The following COG2 variants were observed in gnomAD, a reference collection of about 807,000 sequenced individuals.
COG2 encodes conserved oligomeric Golgi complex subunit 2.
COG2 carries 52 observed loss-of-function variants against 90.6 expected under a neutral mutation model. That is an observed-to-expected ratio of 0.57 (90% confidence interval 0.46 to 0.72). COG2 has a LOEUF of 0.72. COG2 is among the 30% of genes least tolerant of loss of function. The pLI, the probability that COG2 is intolerant of heterozygous loss-of-function variation, is 0.00. For missense variants in COG2, 829 were observed against 891.2 expected, an observed-to-expected ratio of 0.93 and a Z score of 0.89; for synonymous variants, 337 against 320.4, an observed-to-expected ratio of 1.05 and a Z score of -0.55.
intron 1 of COG2, among the ~76,000 whole-genome samples, chr1:230,656,448 A>T (rs144994487): frequency 6.6e-6 from 1 of 152,086 alleles, no homozygotes; most frequent in East Asian, 1.9e-4. Flanking sequence ...GAGTCTGTTT[A>T]TTATGATTTT....
chr1:230,674,398 T>G (rs995290168), intron 8 of COG2, among the ~76,000 whole-genome samples: 1 of 152,180 alleles, frequency 6.6e-6, no homozygotes, highest in African/African-American at 2.4e-5. Context: ...AATTTGGAAT[T>G]TAAAAGTCTG....
At chr1:230,660,942 G>C (rs953696578) in intron 3 of COG2, 119 bp downstream of exon 3, 22 of 565,112 alleles carry the variant, frequency 3.9e-5, no homozygotes, top group Non-Finnish European at 6.3e-5. Flanking sequence ...TGAATGTTTA[G>C]TAATTATAAT....
At chr1:230,666,718 A>G (rs1662330308) in intron 5 of COG2, among the ~76,000 whole-genome samples, 2 of 152,136 alleles carry the variant, frequency 1.3e-5, no homozygotes, top group Admixed American at 1.3e-4. Flanking sequence ...CCCTTCCTTT[A>G]ACTTCCACCT....
At chr1:230,657,250 A>G (rs1003665495) in intron 1 of COG2, among the ~76,000 whole-genome samples, 3 of 152,282 alleles carry the variant, frequency 2.0e-5, no homozygotes, top group Admixed American at 1.3e-4. Flanking sequence ...AGCTCTTGTA[A>G]GGCAGACTTG....
intron 16 of COG2, 191 bp downstream of exon 16, chr1:230,690,344 T>A: frequency 2.0e-6 from 1 of 490,932 alleles, no homozygotes; most frequent in Non-Finnish European, 3.5e-6. Flanking sequence ...GCCTGTGGGC[T>A]GGCTTCCTCT....
At chr1:230,644,859 G>A (rs541254896) in intron 1 of COG2, among the ~76,000 whole-genome samples, 123 of 152,254 alleles carry the variant, frequency 8.1e-4, no homozygotes, top group African/African-American at 2.8e-3. Flanking sequence ...GTGGCGGGAG[G>A]CTACTTAAAA....
At chr1:230,658,650 G>A (rs1253540934) in intron 1 of COG2, among the ~76,000 whole-genome samples, 5 of 152,242 alleles carry the variant, frequency 3.3e-5, no homozygotes, top group African/African-American at 4.8e-5. Flanking sequence ...AGCTGCACCC[G>A]CAGCCATCCC....
chr1:230,674,270 A>G (rs1662531517), intron 8 of COG2, among the ~76,000 whole-genome samples: 1 of 152,236 alleles, frequency 6.6e-6, no homozygotes, highest in Admixed American at 6.5e-5. Context: ...CATTTTAAAG[A>G]TGAAGAAACC....
At chr1:230,670,973 A>T (rs1412734278) in intron 7 of COG2, 2 of 151,780 alleles carry the variant, frequency 1.3e-5, no homozygotes, top group African/African-American at 4.8e-5. Flanking sequence ...TAGTGTGCTA[A>T]ATTAAAGAAC....
At position 230,688,099 on chromosome 1, in the gene COG2, C is replaced by A; in HGVS notation, c.1607C>A (p.Pro536Gln). The A allele has an allele frequency of 1.2e-6, 2 of 1,600,108 alleles. No homozygotes were observed. Among genetic ancestry groups the A allele is most frequent in the African/African-American group, 1.3e-5 (1 of 74,324 alleles). The change falls in exon 14 of 18, where the codon CCA (proline) becomes CAA (glutamine). Residue 536 changes from proline to glutamine, a missense_variant. By Grantham distance (76) the Pro-to-Gln change is moderately conservative. Transcript: ENST00000366669. Reference protein sequence around the residue: ...QLPELLEIIKPKLEMIGFKNF... With the variant: ...QLPELLEIIKQKLEMIGFKNF... The stretch of plus-strand genomic sequence containing the variant: ...CCAGAACTCTTGGAAATAATCAAGC[C>A]AAAACTTGAAATGATTGGCTTTAAG...
chr1:230,677,947 C>G (rs150056740), intron 9 of COG2: 19 of 897,222 alleles, frequency 2.1e-5, no homozygotes, highest in Admixed American at 6.2e-5. Flanking sequence ...TGTCTCAACT[C>G]CACACACCTA....
Position 230,690,191 on chromosome 1 carries a change from A to G in COG2, c.1934+38A>G, listed in dbSNP as rs757997836. On this transcript the variant is annotated intron_variant, in intron 16 of 17. Transcript: ENST00000366669. ...AAAGCAGACCTTGTGGGCCTTGCTT[A>G]GAAGAGTCTGCGGCAGAAACCCCCA... The G allele has an allele frequency of 1.1e-5, 18 of 1,597,576 alleles. No homozygotes were observed. The Middle Eastern group carries it at 8.4e-4, about 74-fold the overall frequency.
At chr1:230,645,216 A>G (rs1661737434) in intron 1 of COG2, among the ~76,000 whole-genome samples, 1 of 143,098 alleles carries the variant, frequency 7.0e-6, no homozygotes, top group Non-Finnish European at 1.5e-5. Flanking sequence ...AGCCTGGGCA[A>G]CAGAAAGAGA....
chr1:230,690,805 A>G (rs931733800), intron 16 of COG2, among the ~76,000 whole-genome samples: 6 of 152,246 alleles, frequency 3.9e-5, no homozygotes, highest in Non-Finnish European at 8.8e-5. Flanking sequence ...GATGTATAAT[A>G]CAGTTTTTGT....
chr1:230,663,601 T>A (rs1383139439), intron 4 of COG2, among the ~76,000 whole-genome samples: 1 of 152,216 alleles, frequency 6.6e-6, no homozygotes, highest in African/African-American at 2.4e-5. Context: ...TTTTGCCTGT[T>A]TTATCCACTT....
chr1:230,683,719 A>T, intron 11 of COG2, 84 bp downstream of exon 11: 2 of 847,364 alleles, frequency 2.4e-6, no homozygotes, highest in Non-Finnish European at 3.7e-6. Flanking sequence ...CAGTATTCTG[A>T]GCGTACTTTT....
Position 230,664,567 on chromosome 1 carries a change from C to G in COG2, c.465C>G (p.Thr155=). 1 of 1,547,940 alleles carries G rather than the reference C, an allele frequency of 6.5e-7. No individual in the cohort carries two copies. Among genetic ancestry groups the G allele is most frequent in the Non-Finnish European group, 8.8e-7 (1 of 1,138,890 alleles). The change falls in exon 5 of 18, where the codon ACC becomes ACG. Residue 155 remains threonine, a synonymous_variant. Transcript: ENST00000366669. ...KILNSQSSKE[T]SALEASSPLL... Reference sequence around the variant, plus strand: ...TAAACTCTCAAAGTTCTAAAGAAACCTCTGCACTAGAAGCAAGCAGGTAAG... The same window carrying G: ...TAAACTCTCAAAGTTCTAAAGAAACGTCTGCACTAGAAGCAAGCAGGTAAG...
intron 1 of COG2, among the ~76,000 whole-genome samples, chr1:230,648,588 G>A (rs1407391746): frequency 6.6e-6 from 1 of 152,134 alleles, no homozygotes; most frequent in Non-Finnish European, 1.5e-5. Flanking sequence ...AAGTTCTTTG[G>A]TATGCAAAAA....
chr1:230,658,771 A>G (rs776430192), intron 1 of COG2, among the ~76,000 whole-genome samples: 38 of 152,256 alleles, frequency 2.5e-4, no homozygotes, highest in Admixed American at 9.8e-4. Flanking sequence ...GAAATCTGGT[A>G]GTCTGGCCAC....
Sources: allele counts gnomAD v4.1 joint callset (sites outside exome capture counted in the v4.1 genomes callset), GRCh38; gene constraint gnomAD v4.1.1; transcripts MANE v1.5; gene names NCBI Gene and HGNC (gene_info 2026-07-23, HGNC 2026-07-21).